Variants in GNPTAB observed in about 807,000 individuals in gnomAD.
GNPTAB encodes the protein N-acetylglucosamine-1-phosphate transferase subunits alpha and beta, also known as N-acetylglucosamine-1-phosphotransferase subunits alpha/beta.
In GNPTAB, 92 loss-of-function variants were observed where a neutral mutation model predicts 136.6. The observed-to-expected ratio is 0.67, with a 90% CI of 0.57 to 0.80. The LOEUF (loss-of-function observed/expected upper bound fraction) is 0.80. GNPTAB is among the 30% of genes least tolerant of loss of function. The pLI, the probability that GNPTAB is intolerant of heterozygous loss-of-function variation, is 0.00. For synonymous variants in GNPTAB, 512 were observed against 535.1 expected, an observed-to-expected ratio of 0.96 and a Z score of 0.60; for missense variants, 1,343 against 1,501.8, an observed-to-expected ratio of 0.89 and a Z score of 1.75.
At chr12:101,793,061 A>C (rs1327897795) in intron 2 of GNPTAB, among the ~76,000 whole-genome samples, 1 of 152,214 alleles carries the variant, frequency 6.6e-6, no homozygotes, top group African/African-American at 2.4e-5. Flanking sequence ...CTAAAATGCC[A>C]ATTCTATATA....
chr12:101,783,657 T>C (rs1256730930), intron 5 of GNPTAB, among the ~76,000 whole-genome samples: 5 of 152,204 alleles, frequency 3.3e-5, no homozygotes, highest in South Asian at 4.1e-4. Context: ...TCAGGATCTA[T>C]AGAGTGAAGG....
intron 1 of GNPTAB, among the ~76,000 whole-genome samples, chr12:101,828,922 T>C (rs1418494433): frequency 2.0e-5 from 3 of 152,300 alleles, no homozygotes; most frequent in Admixed American, 2.0e-4. Context: ...ATATAAGTAT[T>C]AGCTATTATT....
chr12:101,827,319 T>C (rs541658465), intron 1 of GNPTAB, among the ~76,000 whole-genome samples: 296 of 152,190 alleles, frequency 1.9e-3, no homozygotes, highest in Middle Eastern at 0.01. Context: ...CAGGCTGGTC[T>C]CAAACTCCTG....
In GNPTAB at chr12:101,765,199, T is replaced by C. The variant is rs1335939612; in HGVS notation, c.1718A>G (p.Lys573Arg). Residue 573 changes from lysine (K) to arginine (R), a missense_variant, in exon 13 of 21, where the codon AAA (lysine) becomes AGA (arginine). Coordinates refer to ENST00000299314, the MANE Select transcript of GNPTAB (RefSeq NM_024312.5). Reference protein sequence around the residue: ...LPYFSFAEVAKRGVEGAYSDN... With the variant: ...LPYFSFAEVARRGVEGAYSDN... ...ACTATAGGCACCTTCAACTCCTCTT[T>C]TGGCTACTTCTGCAAAGCTGAAATA... 2 of 1,614,072 alleles carry C rather than the reference T, an allele frequency of 1.2e-6. No individual in the cohort carries two copies. The highest frequency in any genetic ancestry group is 1.3e-5 in the African/African-American group (1 of 74,942).
intron 2 of GNPTAB, among the ~76,000 whole-genome samples, chr12:101,794,712 T>A (rs1869182989): frequency 6.6e-6 from 1 of 151,892 alleles, no homozygotes; most frequent in Non-Finnish European, 1.5e-5. Context: ...AGAACAAGAG[T>A]GTTTGATTAA....
At position 101,771,005 on chromosome 12, in the gene GNPTAB, G is replaced by T; in HGVS notation, c.924C>A (p.Ala308=). 6.2e-7 allele frequency: 1 copy of T among 1,614,014 alleles called. No individual in the cohort carries two copies. The highest frequency in any genetic ancestry group is 8.5e-7 in the Non-Finnish European group (1 of 1,179,938). The stretch of plus-strand genomic sequence containing the variant: ...TCTGTGCATCCCTTACCTGGCTGAT[G>T]GCGCTCAGATCCCATAATAAATATG... ...SPAYLLWDLS[A]ISQSKQDEDI... The change falls in exon 8 of 21, where the codon GCC becomes GCA. Residue 308 remains alanine, a synonymous_variant. Coordinates refer to ENST00000299314, the MANE Select transcript of GNPTAB (RefSeq NM_024312.5).
At chr12:101,785,046 C>G (rs145124881) in intron 5 of GNPTAB, among the ~76,000 whole-genome samples, 13 of 152,272 alleles carry the variant, frequency 8.5e-5, no homozygotes, top group Non-Finnish European at 1.5e-4. Flanking sequence ...CTGCCCAAAT[C>G]ATCTGTTGTC....
At chr12:101,795,902 G>C (rs1869255418) in intron 2 of GNPTAB, 1 of 237,612 alleles carries the variant, frequency 4.2e-6, no homozygotes, top group African/African-American at 2.2e-5. Flanking sequence ...CTGCAAAAAG[G>C]GAAGGAGGGT....
chr12:101,749,704 TGGCATTTCCTGTAAGCCTTGAAGGGGACA>T (rs1219292400), intron 19 of GNPTAB, among the ~76,000 whole-genome samples: 1 of 152,216 alleles, frequency 6.6e-6, no homozygotes, highest in Non-Finnish European at 1.5e-5. Context: ...ACAGAGATGG[TGGCATTTCCTGTAAGCCTTGAAGGGGACA>T]GGAAGCATAT....
At chr12:101,793,667 A>C (rs907883890) in intron 2 of GNPTAB, among the ~76,000 whole-genome samples, 1 of 152,220 alleles carries the variant, frequency 6.6e-6, no homozygotes, top group Non-Finnish European at 1.5e-5. Flanking sequence ...ACTAAGACTA[A>C]GTCACTCATA....
chr12:101,830,492 T>C (rs947014456), intron 1 of GNPTAB, 67 bp downstream of exon 1: 4 of 858,528 alleles, frequency 4.7e-6, no homozygotes, highest in Non-Finnish European at 7.9e-6. Flanking sequence ...TATCGGGGCA[T>C]CGCGGGGCAC....
chr12:101,783,289 A>C (rs1448072735), intron 5 of GNPTAB, among the ~76,000 whole-genome samples: 1 of 152,090 alleles, frequency 6.6e-6, no homozygotes, highest in Non-Finnish European at 1.5e-5. Context: ...CTAAAATAGA[A>C]TGTTCACTTC....
At chr12:101,794,308 T>C (rs971526035) in intron 2 of GNPTAB, among the ~76,000 whole-genome samples, 1 of 152,176 alleles carries the variant, frequency 6.6e-6, no homozygotes, top group African/African-American at 2.4e-5. Flanking sequence ...TCACTTTTAC[T>C]GACATATGGA....
At chr12:101,805,239 ATC>A (rs1400876585) in intron 1 of GNPTAB, among the ~76,000 whole-genome samples, 20 of 152,338 alleles carry the variant, frequency 1.3e-4, no homozygotes, top group East Asian at 3.9e-4. Flanking sequence ...TTTGCACAAT[ATC>A]TGTTTGTGAA....
chr12:101,765,578 G>T, intron 12 of GNPTAB: 1 of 448,004 alleles, frequency 2.2e-6, no homozygotes, highest in Non-Finnish European at 4.1e-6. Flanking sequence ...ACAGTTACTG[G>T]TATAGGGCTT....
intron 1 of GNPTAB, among the ~76,000 whole-genome samples, chr12:101,810,089 C>T (rs982822324): frequency 4.8e-5 from 7 of 146,820 alleles, no homozygotes; most frequent in African/African-American, 1.8e-4. Context: ...TATAGTGAGA[C>T]CCAGTCTCTA....
intron 1 of GNPTAB, among the ~76,000 whole-genome samples, chr12:101,822,371 G>A (rs1310597522): frequency 2.6e-5 from 4 of 152,136 alleles, no homozygotes; most frequent in Admixed American, 6.6e-5. Flanking sequence ...CCGAGATCGC[G>A]CCACTGCACT....
intron 1 of GNPTAB, among the ~76,000 whole-genome samples, chr12:101,808,006 C>G (rs538846353): frequency 1.3e-5 from 2 of 152,022 alleles, no homozygotes; most frequent in Non-Finnish European, 2.9e-5. Context: ...AGGTTAGCAC[C>G]CCCTGCTAAA....
intron 1 of GNPTAB, among the ~76,000 whole-genome samples, chr12:101,826,442 G>A (rs1344610983): frequency 4.0e-5 from 6 of 151,832 alleles, no homozygotes. Flanking sequence ...TCTGAATACT[G>A]GAGGGGCTTT....
Sources: gnomAD v4.1 joint callset for allele counts (sites outside exome capture counted in the v4.1 genomes callset) on GRCh38, gnomAD v4.1.1 for gene constraint, MANE v1.5 for transcripts, NCBI Gene and HGNC (gene_info 2026-07-23, HGNC 2026-07-21) for gene names.